TMEM164: variants seen among roughly 807,000 people sequenced by gnomAD.
The protein encoded by TMEM164 is transmembrane protein 164, also known as RP13-360B22.2.
A neutral mutation model predicts 18.8 loss-of-function variants in TMEM164; 4 were observed. That is an observed-to-expected ratio of 0.21 (90% confidence interval 0.10 to 0.49). The LOEUF is 0.49. Ranked by LOEUF, TMEM164 falls within the 20% of genes least tolerant of loss-of-function variation. The probability of loss-of-function intolerance (pLI) is 0.98; values close to 1 mark genes in which losing one functional copy is unlikely to be tolerated. For synonymous variants in TMEM164, 86 were observed against 101.7 expected (o/e 0.85, Z 0.93); for missense variants, 108 against 239.9 (o/e 0.45, Z 3.63).
At chrX:110,026,220 A>G (rs1402610606) in intron 2 of TMEM164, among the ~76,000 whole-genome samples, 2 of 112,211 alleles carry the variant, frequency 1.8e-5, no homozygotes, top group Non-Finnish European at 3.8e-5. Flanking sequence ...TCTTTTGACG[A>G]TGGAGATTAG....
intron 6 of TMEM164, among the ~76,000 whole-genome samples, chrX:110,171,974 C>G (rs1008242539): frequency 8.0e-5 from 9 of 112,293 alleles, no homozygotes; most frequent in African/African-American, 2.9e-4. Flanking sequence ...AATCCTGTGG[C>G]ATTCTGGGGT....
intron 2 of TMEM164, among the ~76,000 whole-genome samples, chrX:110,030,937 G>T (rs774412994): frequency 2.7e-5 from 3 of 110,970 alleles, no homozygotes; most frequent in African/African-American, 9.8e-5. Flanking sequence ...TTCAGTTCTG[G>T]GATACATGTG....
intron 3 of TMEM164, among the ~76,000 whole-genome samples, chrX:110,087,445 C>T (rs778529673): frequency 3.6e-5 from 4 of 111,501 alleles, no homozygotes; most frequent in East Asian, 2.8e-4. Context: ...ACTGTAGCCT[C>T]GACCTCTGAG....
chrX:110,075,236 C>A (rs2065653860), intron 3 of TMEM164, among the ~76,000 whole-genome samples: 2 of 111,434 alleles, frequency 1.8e-5, no homozygotes, highest in Admixed American at 1.9e-4. Flanking sequence ...AATGGGATTA[C>A]ATTCTTGATT....
At chrX:110,133,152 T>C (rs1444681701) in intron 4 of TMEM164, among the ~76,000 whole-genome samples, 1 of 110,128 alleles carries the variant, frequency 9.1e-6, no homozygotes, top group African/African-American at 3.4e-5. Context: ...TCTTCTTCTT[T>C]ATTGTTTTTT....
intron 2 of TMEM164, among the ~76,000 whole-genome samples, chrX:110,038,116 A>G (rs968017161): frequency 1.1e-4 from 11 of 103,256 alleles, no homozygotes; most frequent in Non-Finnish European, 1.4e-4. Flanking sequence ...TCAGCCTCCC[A>G]AGTAGCTGGG....
chrX:110,037,565 G>A (rs779373303), intron 2 of TMEM164, among the ~76,000 whole-genome samples: 1 of 111,979 alleles, frequency 8.9e-6, no homozygotes, highest in Non-Finnish European at 1.9e-5. Flanking sequence ...TAGCTGGGGG[G>A]CTGTGGAGAA....
At chrX:110,179,964 G>A (rs1179341342), downstream of TMEM164, among the ~76,000 whole-genome samples, 2 of 112,245 alleles carry the variant, frequency 1.8e-5, no homozygotes, top group African/African-American at 3.2e-5. Context: ...GGATGGGGCT[G>A]GGATGCCTTT....
chrX:110,053,053 C>T (rs1238085702), intron 2 of TMEM164, among the ~76,000 whole-genome samples: 2 of 111,705 alleles, frequency 1.8e-5, no homozygotes, highest in African/African-American at 6.5e-5. Context: ...GCCTGGCCTA[C>T]ATGCATCATT....
chrX:110,053,437 G>A (rs1477594620), intron 2 of TMEM164, among the ~76,000 whole-genome samples: 1 of 111,871 alleles, frequency 8.9e-6, no homozygotes, highest in Non-Finnish European at 1.9e-5. Flanking sequence ...TGCCTTAGAA[G>A]CACTGCAAAT....
chrX:110,031,590 T>C (rs1241026934), intron 2 of TMEM164, among the ~76,000 whole-genome samples: 1 of 111,992 alleles, frequency 8.9e-6, no homozygotes, highest in Non-Finnish European at 1.9e-5. Context: ...CCCAAAGTGC[T>C]AGAATTACAG....
At chrX:110,171,608 T>C (rs764753287) in intron 6 of TMEM164, 88 bp downstream of exon 6, 1 of 787,346 alleles carries the variant, frequency 1.3e-6, no homozygotes, top group Non-Finnish European at 2.0e-6. Context: ...CGTATCACTT[T>C]GTTTTGAAAA....
At chrX:110,044,432 T>TG (rs2147790268) in intron 2 of TMEM164, among the ~76,000 whole-genome samples, 2 of 109,464 alleles carry the variant, frequency 1.8e-5, no homozygotes, top group African/African-American at 6.6e-5. Context: ...CAGGTTTTTT[T>TG]TTTGTTGTTG....
chrX:110,057,548 CT>C (rs199733800), intron 2 of TMEM164, among the ~76,000 whole-genome samples: 1,486 of 80,520 alleles, frequency 0.018, 10 homozygotes, highest in East Asian at 0.032. Flanking sequence ...TAGAATAGGT[CT>C]TTTTTTTTTT....
chrX:110,097,203 C>T (rs2066035653), intron 3 of TMEM164, among the ~76,000 whole-genome samples: 3 of 111,733 alleles, frequency 2.7e-5, no homozygotes, highest in African/African-American at 9.8e-5. Context: ...AACTCCTGAC[C>T]TCAAATGATC....
At chrX:110,149,468 C>T (rs886678253) in intron 5 of TMEM164, among the ~76,000 whole-genome samples, 12 of 111,845 alleles carry the variant, frequency 1.1e-4, no homozygotes, top group African/African-American at 3.3e-4. Context: ...TTGATCACTC[C>T]GTTTTGGATT....
chrX:110,014,744 C>CTTTTTTTTTTTTTTTTTTTTTGTT (rs1933221325), intron 2 of TMEM164, among the ~76,000 whole-genome samples: 3 of 54,239 alleles, frequency 5.5e-5, no homozygotes, highest in African/African-American at 7.5e-5. Context: ...TTGGTTGTTT[C>CTTTTTTTTTTTTTTTTTTTTTGTT]TTTTTTTTTT....
At chrX:110,168,387 CA>C (rs1318074835) in intron 5 of TMEM164, among the ~76,000 whole-genome samples, 4 of 112,863 alleles carry the variant, frequency 3.5e-5, no homozygotes, top group African/African-American at 9.7e-5. Context: ...GAGGGTTGGA[CA>C]GACAAGGGAA....
At chrX:110,020,231 C>A in intron 2 of TMEM164, 1 of 245,639 alleles carries the variant, frequency 4.1e-6, no homozygotes, top group Non-Finnish European at 5.7e-6. Context: ...GCTTCTGGTA[C>A]ATTCTAGATT....
Sources: allele counts gnomAD v4.1 joint callset (sites outside exome capture counted in the v4.1 genomes callset), GRCh38; gene constraint gnomAD v4.1.1; transcripts MANE v1.5; gene names NCBI Gene and HGNC (gene_info 2026-07-23, HGNC 2026-07-21).